Variants in IWS1 observed in about 807,000 individuals in gnomAD.
The protein encoded by IWS1 is protein IWS1 homolog.
In IWS1, 27 loss-of-function variants were observed where a neutral mutation model predicts 86.7. That is an observed-to-expected ratio of 0.31 (90% CI 0.23 to 0.43). The LOEUF (loss-of-function observed/expected upper bound fraction) is 0.43, where lower values mean the gene tolerates loss of function less well. IWS1 is among the 20% of genes least tolerant of loss of function. The probability of loss-of-function intolerance (pLI) is 1.00; values close to 1 mark genes in which losing one functional copy is unlikely to be tolerated. For synonymous variants in IWS1, 313 were observed against 335.1 expected, an observed-to-expected ratio of 0.93 and a Z score of 0.72; for missense variants, 827 against 1,000.8, an observed-to-expected ratio of 0.83 and a Z score of 2.34.
intron 10 of IWS1, among the ~76,000 whole-genome samples, chr2:127,490,207 A>G (rs1287391222): frequency 1.3e-5 from 2 of 152,230 alleles, no homozygotes; most frequent in Non-Finnish European, 2.9e-5. Flanking sequence ...AATAGTCAAC[A>G]ATTAGCTGGA....
At chr2:127,498,030 C>T (rs334148) in intron 6 of IWS1, 110 bp downstream of exon 6, 78,459 of 754,116 alleles carry the variant, frequency 0.1, 9,609 homozygotes, top group African/African-American at 0.48. Flanking sequence ...CAGGAATAGA[C>T]CCACTCCTAA....
At chr2:127,526,752 G>A (rs1263765050), upstream of IWS1, 3 of 1,113,002 alleles carry the variant, frequency 2.7e-6, no homozygotes, top group Non-Finnish European at 3.7e-6. Context: ...ATACTCTTCC[G>A]AAAAATGAAG....
rs965904014 is a variant in IWS1, at chr2:127,499,782, G to T, written c.1468-1545C>A. On this transcript the variant is annotated intron_variant, in intron 5 of 13. Transcript: ENST00000295321. This position sits in a 1 kb window ranked among gnomAD's most constrained non-coding sequence, Gnocchi z 4.0. ...TTTGACCCAAGAACTATTTAAGCAG[G>T]GTTTAAGTTTCTGAGCGGCAAACAG... 1.3e-5 allele frequency among the ~76,000 whole-genome samples: 2 copies of T among 151,764 alleles called. No individual in the cohort carries two copies. Among genetic ancestry groups the T allele is most frequent in the Non-Finnish European group, 2.9e-5 (2 of 67,958 alleles).
rs1690682955 is a variant in IWS1, at chr2:127,499,343, G to A, written c.1468-1106C>T. On this transcript the variant is annotated intron_variant, in intron 5 of 13. Transcript: ENST00000295321. The surrounding 1 kb of genome is among the most constrained non-coding windows in gnomAD (Gnocchi z 4.0). ...CTGACCTTGTGAGCCGCCCACCTCGGCCTCCCAAAGTGCTGGGATTACAGG... is the reference window on the plus strand; with the variant it reads ...CTGACCTTGTGAGCCGCCCACCTCGACCTCCCAAAGTGCTGGGATTACAGG... 6.6e-6 allele frequency among the ~76,000 whole-genome samples: 1 copy of A among 152,136 alleles called. No individual in the cohort carries two copies. Among genetic ancestry groups the A allele is most frequent in the South Asian group, 2.1e-4 (1 of 4,836 alleles).
At chr2:127,526,573 A>G, upstream of IWS1, 1 of 1,399,780 alleles carries the variant, frequency 7.1e-7, no homozygotes, top group Non-Finnish European at 9.5e-7. Flanking sequence ...CAATGACGCC[A>G]GGCACGGCCG....
intron 10 of IWS1, among the ~76,000 whole-genome samples, chr2:127,491,507 G>A (rs915910587): frequency 2.6e-5 from 4 of 151,840 alleles, no homozygotes; most frequent in Non-Finnish European, 5.9e-5. Context: ...GCAGTGGCGC[G>A]ATCTCGGCTC....
At chr2:127,490,304 A>AT (rs1320477439) in intron 10 of IWS1, among the ~76,000 whole-genome samples, 2 of 152,246 alleles carry the variant, frequency 1.3e-5, no homozygotes, top group African/African-American at 4.8e-5. Context: ...GCTACTGGAA[A>AT]TAAAAAAGTC....
chr2:127,497,721 T>C (rs1214112266), intron 6 of IWS1, among the ~76,000 whole-genome samples: 4 of 152,216 alleles, frequency 2.6e-5, no homozygotes, highest in African/African-American at 4.8e-5. Context: ...TTTTAAGATA[T>C]CAGATTTTTC....
chr2:127,505,653 T>C lies in IWS1; in HGVS notation c.250A>G (p.Ser84Gly). The change falls in exon 3 of 14, where the codon AGT (serine) becomes GGT (glycine). Residue 84 changes from serine to glycine, a missense_variant. Physicochemically the swap from Ser to Gly is moderately conservative, Grantham distance 56 (BLOSUM62 0). Transcript: ENST00000295321. This position sits in a 1 kb window ranked among gnomAD's most constrained non-coding sequence, Gnocchi z 5.0. Reference sequence around the variant, plus strand: ...TCCTTTTGCCTGTGAAGCTCCTCACTTTCAGAGTCACTAGCATTAAGATTT... The same window carrying C: ...TCCTTTTGCCTGTGAAGCTCCTCACCTTCAGAGTCACTAGCATTAAGATTT... ...PLNLNASDSESEELHRQKDSD... is the reference protein window; with the variant it reads ...PLNLNASDSEGEELHRQKDSD... 1.9e-6 allele frequency: 3 copies of C among 1,590,638 alleles called. No homozygotes were observed. The highest frequency in any genetic ancestry group is 2.6e-6 in the Non-Finnish European group (3 of 1,166,388).
At chr2:127,517,275 G>A (rs144165761) in intron 2 of IWS1, among the ~76,000 whole-genome samples, 3 of 152,214 alleles carry the variant, frequency 2.0e-5, no homozygotes, top group East Asian at 1.9e-4. Flanking sequence ...GTAACTCCAC[G>A]AGACCCAGAT....
At chr2:127,488,477 C>T (rs1382332736) in intron 12 of IWS1, among the ~76,000 whole-genome samples, 1 of 152,210 alleles carries the variant, frequency 6.6e-6, no homozygotes, top group Non-Finnish European at 1.5e-5. Context: ...CTCTAGCCAT[C>T]TTCTCTCCCA....
intron 2 of IWS1, 98 bp downstream of exon 2, chr2:127,523,578 C>G: frequency 3.8e-6 from 3 of 787,790 alleles, no homozygotes; most frequent in Non-Finnish European, 6.3e-6. Flanking sequence ...GAGATTAAAC[C>G]CTAAACTCTG....
intron 2 of IWS1, among the ~76,000 whole-genome samples, chr2:127,516,289 A>G (rs1388263531): frequency 6.6e-6 from 1 of 152,158 alleles, no homozygotes; most frequent in African/African-American, 2.4e-5. Context: ...CTGGGCAGTG[A>G]GCCGAGATCG....
At chr2:127,526,725 T>G, upstream of IWS1, 1 of 1,276,392 alleles carries the variant, frequency 7.8e-7, no homozygotes, top group Non-Finnish European at 1.0e-6. Context: ...CCGTGCCTTG[T>G]TTGAAGAGCT....
chr2:127,523,565 T>C (rs1692225444), intron 2 of IWS1, 111 bp downstream of exon 2: 1 of 704,872 alleles, frequency 1.4e-6, no homozygotes, highest in African/African-American at 1.8e-5. Flanking sequence ...TCCTTTACTC[T>C]CAGAGATTAA....
chr2:127,501,068 C>T (rs1483515518), intron 5 of IWS1, among the ~76,000 whole-genome samples: 1 of 152,184 alleles, frequency 6.6e-6, no homozygotes, highest in Non-Finnish European at 1.5e-5. Flanking sequence ...ATAGTCAATA[C>T]TCATTTAGAC....
In IWS1 at chr2:127,523,786, C is replaced by T; in HGVS notation, c.40G>A (p.Gly14Ser). 1 of 1,608,052 alleles carries T rather than the reference C, an allele frequency of 6.2e-7. No individual in the cohort carries two copies. The highest frequency in any genetic ancestry group is 2.2e-5 in the East Asian group (1 of 44,804). ...EYYSGDQSDD[G>S]GATPVQDERD... ...TCATCCTGTACTGGGGTAGCACCAC[C>T]ATCATCTGATTAAAAACAAAACAAA... The change falls in exon 2 of 14, where the codon GGT (glycine) becomes AGT (serine). Residue 14 changes from glycine to serine, a missense_variant. By Grantham distance (56) the Gly-to-Ser change is moderately conservative. This residue lies in a region of IWS1 where 548 missense variants were observed against 560.2 expected (regional missense o/e 0.98). Coordinates refer to ENST00000295321, the MANE Select transcript of IWS1 (RefSeq NM_017969.3).
At chr2:127,496,548 C>T (rs1355937200) in intron 6 of IWS1, among the ~76,000 whole-genome samples, 5 of 118,822 alleles carry the variant, frequency 4.2e-5, no homozygotes, top group Admixed American at 2.7e-4. Flanking sequence ...CATATTTTAT[C>T]ATACACACAC....
chr2:127,503,273 A>C (rs1690913030), intron 4 of IWS1, 114 bp downstream of exon 4: 1 of 746,832 alleles, frequency 1.3e-6, no homozygotes. Context: ...CAGGAACTAA[A>C]ATACTAAATC....
Sources: gnomAD v4.1 joint callset for allele counts (sites outside exome capture counted in the v4.1 genomes callset) on GRCh38, gnomAD v4.1.1 for gene constraint, gnomAD v4.1.1 regional missense constraint, Gnocchi (gnomAD v3.1) non-coding constraint, MANE v1.5 for transcripts, NCBI Gene and HGNC (gene_info 2026-07-23, HGNC 2026-07-21) for gene names.